SQLE: variants seen among roughly 807,000 people sequenced by gnomAD.
SQLE encodes the protein squalene monooxygenase.
Under a neutral mutation model 60.7 loss-of-function variants are expected in SQLE, and 29 were observed. The observed-to-expected ratio is 0.48, with a 90% CI of 0.36 to 0.65. SQLE has a LOEUF of 0.65. Among genes scored for constraint, SQLE ranks in the 30% least tolerant of loss-of-function variants. The pLI, the probability that SQLE is intolerant of heterozygous loss-of-function variation, is 0.00. For missense variants in SQLE, 605 were observed against 684.1 expected, an observed-to-expected ratio of 0.88 and a Z score of 1.29; for synonymous variants, 237 against 246.8, an observed-to-expected ratio of 0.96 and a Z score of 0.37.
intron 10 of SQLE, 53 bp downstream of exon 10, chr8:125,020,924 T>A: frequency 8.1e-7 from 1 of 1,238,740 alleles, no homozygotes; most frequent in Non-Finnish European, 1.2e-6. Flanking sequence ...CTTAGGACTG[T>A]TCAGTTGATG....
At chr8:125,006,868 C>CT (rs1814959267) in intron 3 of SQLE, among the ~76,000 whole-genome samples, 1 of 151,738 alleles carries the variant, frequency 6.6e-6, no homozygotes, top group African/African-American at 2.4e-5. Context: ...CCACGCCTGG[C>CT]AAATTTTTGT....
chr8:125,020,826 A>T lies in SQLE; in HGVS notation c.1487A>T (p.Lys496Ile), dbSNP rs1374661300. ...AGAAAAGCCTGTTTTCTTTATTTCAAACTTGGTGGCGAATGTGTTGCGGGT... is the reference window on the plus strand; with the variant it reads ...AGAAAAGCCTGTTTTCTTTATTTCATACTTGGTGGCGAATGTGTTGCGGGT... Reference protein sequence around the residue: ...QLRKACFLYFKLGGECVAGPV... With the variant: ...QLRKACFLYFILGGECVAGPV... The change falls in exon 10 of 11, where the codon AAA (lysine) becomes ATA (isoleucine). Residue 496 changes from lysine (K) to isoleucine (I), a missense_variant. Transcript: ENST00000265896. The T allele has an allele frequency of 6.2e-7, 1 of 1,613,456 alleles. No individual in the cohort carries two copies. Among genetic ancestry groups the T allele is most frequent in the Admixed American group, 1.7e-5 (1 of 59,988 alleles).
In SQLE at chr8:125,018,049, C is replaced by G; in HGVS notation, c.1205-10C>G. The G allele has an allele frequency of 1.2e-6, 2 of 1,610,818 alleles. No individual in the cohort carries two copies. Among genetic ancestry groups the G allele is most frequent in the South Asian group, 2.2e-5 (2 of 90,322 alleles). On this transcript the variant is annotated splice_polypyrimidine_tract_variant and intron_variant, in intron 7 of 10. Coordinates refer to ENST00000265896, the MANE Select transcript of SQLE (RefSeq NM_003129.4). ...CTCTAAAATAAAATCTTCATTACCTCTCTTCATAGGTGTTCTTCTTTTGGG... is the reference window on the plus strand; with the variant it reads ...CTCTAAAATAAAATCTTCATTACCTGTCTTCATAGGTGTTCTTCTTTTGGG...
At position 125,020,817 on chromosome 8, in the gene SQLE, T is replaced by C; in HGVS notation, c.1478T>C (p.Leu493Pro). 2 of 1,613,452 alleles carry C rather than the reference T, an allele frequency of 1.2e-6. No individual in the cohort carries two copies. Among genetic ancestry groups the C allele is most frequent in the South Asian group, 1.1e-5 (1 of 91,030 alleles). Residue 493 changes from leucine to proline, a missense_variant, in exon 10 of 11, where the codon CTT becomes CCT. By Grantham distance (98) the Leu-to-Pro change is moderately conservative (BLOSUM62 -3). Coordinates refer to ENST00000265896, the MANE Select transcript of SQLE (RefSeq NM_003129.4). The stretch of plus-strand genomic sequence containing the variant: ...CATCAACTAAGAAAAGCCTGTTTTC[T>C]TTATTTCAAACTTGGTGGCGAATGT... ...SLHQLRKACF[L>P]YFKLGGECVA...
intron 9 of SQLE, among the ~76,000 whole-genome samples, chr8:125,020,149 A>G (rs1158163547): frequency 1.3e-5 from 2 of 152,190 alleles, no homozygotes; most frequent in Non-Finnish European, 2.9e-5. Flanking sequence ...AAAAGTTACA[A>G]GATTGGAGGA....
chr8:125,002,137 C>G (rs1475960915), intron 1 of SQLE, among the ~76,000 whole-genome samples: 2 of 151,978 alleles, frequency 1.3e-5, no homozygotes, highest in Non-Finnish European at 2.9e-5. Flanking sequence ...CTTAGAGTAT[C>G]AGGATGGGGA....
chr8:125,012,599 T>G (rs556761748), intron 7 of SQLE, among the ~76,000 whole-genome samples: 2 of 152,376 alleles, frequency 1.3e-5, no homozygotes, highest in Admixed American at 1.3e-4. Context: ...TCATTTGTTT[T>G]TATGGCCAAA....
At chr8:125,006,816 T>C (rs774300426) in intron 3 of SQLE, among the ~76,000 whole-genome samples, 95 of 151,702 alleles carry the variant, frequency 6.3e-4, no homozygotes, top group Non-Finnish European at 1.1e-3. Context: ...GCAATTCTCC[T>C]GCCTCAGCCT....
chr8:124,999,764 G>A, intron 1 of SQLE, 70 bp downstream of exon 1: 2 of 1,478,148 alleles, frequency 1.4e-6, no homozygotes, highest in Non-Finnish European at 1.8e-6. Flanking sequence ...TCAAATATAA[G>A]TTTTATTTGA....
At chr8:125,008,867 A>G in intron 4 of SQLE, 104 bp from the exon 5 acceptor site, 1 of 741,362 alleles carries the variant, frequency 1.3e-6, no homozygotes, top group East Asian at 2.8e-5. Context: ...CTATAATGCT[A>G]TCTGATAATA....
In SQLE at chr8:124,998,575, T is replaced by A; in HGVS notation, c.-829T>A. The A allele has an allele frequency of 1.5e-6, 1 of 685,656 alleles. No individual in the cohort carries two copies. Among genetic ancestry groups the A allele is most frequent in the Non-Finnish European group, 2.6e-6 (1 of 377,494 alleles). 42.5% of individuals were successfully genotyped at this position (685,656 alleles called of 1,614,324 possible). On this transcript the variant is annotated 5_prime_UTR_variant, in exon 1 of 11. Coordinates refer to ENST00000265896, the MANE Select transcript of SQLE (RefSeq NM_003129.4). The stretch of plus-strand genomic sequence containing the variant: ...TCTGGTTACTGGGGCCGCGCCGCGC[T>A]GGCGAGAGCCGCCGCCCGCGAGGGA...
At position 125,006,359 on chromosome 8, in the gene SQLE, G is replaced by A. The variant is rs191027515; in HGVS notation, c.725+654G>A. Among the ~76,000 whole-genome samples the A allele has an allele frequency of 4.2e-3, 637 of 152,218 alleles. 7 individuals are homozygous for A. The highest frequency in any genetic ancestry group is 0.014 in the African/African-American group (562 of 41,538). On this transcript the variant is annotated intron_variant, in intron 3 of 10. Coordinates refer to ENST00000265896, the MANE Select transcript of SQLE (RefSeq NM_003129.4). ...AAATCGGCCAGGTGCGGTGGCTCAT[G>A]CCTGTAATCCCAGCACTTTGGGAGG... is the stretch of plus-strand genomic sequence containing the variant.
Position 124,998,908 on chromosome 8 carries a change from C to G in SQLE, c.-496C>G, listed in dbSNP as rs1394375645. On this transcript the variant is annotated 5_prime_UTR_variant, in exon 1 of 11. Coordinates refer to ENST00000265896, the MANE Select transcript of SQLE (RefSeq NM_003129.4). Reference sequence around the variant, plus strand: ...CCGCAGCCCCCGTGCCTTCCGGCCGCTGCTCGCCGTCGCCAGAGGCTAGGC... The same window carrying G: ...CCGCAGCCCCCGTGCCTTCCGGCCGGTGCTCGCCGTCGCCAGAGGCTAGGC... The G allele has an allele frequency of 2.7e-6, 1 of 367,476 alleles. No individual in the cohort carries two copies. The highest frequency in any genetic ancestry group is 4.9e-6 in the Non-Finnish European group (1 of 205,924). The allele number at this position is 367,476 out of a possible 1,614,324, so 22.8% of individuals were successfully genotyped here.
At position 124,999,259 on chromosome 8, in the gene SQLE, C is replaced by A; in HGVS notation, c.-145C>A. On this transcript the variant is annotated 5_prime_UTR_variant, in exon 1 of 11. Transcript: ENST00000265896. Reference sequence around the variant, plus strand: ...TATGATTTTTAAAAACTGGTCTGATCGGACTTCTCGTCCTGGGACACTGTT... The same window carrying A: ...TATGATTTTTAAAAACTGGTCTGATAGGACTTCTCGTCCTGGGACACTGTT... The A allele has an allele frequency of 1.4e-6, 1 of 707,646 alleles. No homozygotes were observed. Among genetic ancestry groups the A allele is most frequent in the Non-Finnish European group, 2.0e-6 (1 of 496,920 alleles). The allele number at this position is 707,646 out of a possible 1,614,324, so 43.8% of individuals were successfully genotyped here. A position where few individuals can be genotyped will look rare whatever the true frequency, so the allele number is the denominator to read the frequency against.
chr8:125,011,394 TTC>T, intron 6 of SQLE, 141 bp from the exon 7 acceptor site: 1 of 549,794 alleles, frequency 1.8e-6, no homozygotes, highest in Middle Eastern at 2.9e-4. Flanking sequence ...AAATAATTAG[TTC>T]TTGATTTATC....
chr8:125,012,728 G>A (rs956499923), intron 7 of SQLE, among the ~76,000 whole-genome samples: 7 of 152,196 alleles, frequency 4.6e-5, no homozygotes, highest in Admixed American at 6.5e-5. Flanking sequence ...ATCTGTGTGC[G>A]AGTTTTTGTG....
At position 125,003,158 on chromosome 8, in the gene SQLE, C is replaced by CTTTTT; in HGVS notation, c.292-11_292-7dup. On this transcript the variant is annotated splice_polypyrimidine_tract_variant and intron_variant, in intron 1 of 10. Transcript: ENST00000265896. ...TAACAAATTTGGATACCTAGTTTAC[C>CTTTTT]TTTTTTTTTTTAAACAGCGCAGAAA... 1.5e-6 allele frequency: 2 copies of CTTTTT among 1,343,476 alleles called. No individual in the cohort carries two copies. The highest frequency in any genetic ancestry group is 1.5e-5 in the African/African-American group (1 of 68,636). The allele number at this position is 1,343,476 out of a possible 1,614,324, so 83.2% of individuals were successfully genotyped here.
At position 125,018,672 on chromosome 8, in the gene SQLE, C is replaced by T; in HGVS notation, c.1389C>T (p.Ser463=). ...ACTGGGCAAGAAAAACATCTCATTC[C>T]TTTGTCGTGAATATCCTTGCTCAGG... ...SFYWARKTSH[S]FVVNILAQAL... Residue 463 remains serine (S), a synonymous_variant, in exon 9 of 11, where the codon TCC becomes TCT. Coordinates refer to ENST00000265896, the MANE Select transcript of SQLE (RefSeq NM_003129.4). The T allele has an allele frequency of 6.2e-7, 1 of 1,606,602 alleles. No individual in the cohort carries two copies. The highest frequency in any genetic ancestry group is 8.5e-7 in the Non-Finnish European group (1 of 1,178,042).
intron 7 of SQLE, among the ~76,000 whole-genome samples, chr8:125,012,097 T>G (rs1815047764): frequency 6.6e-6 from 1 of 151,816 alleles, no homozygotes; most frequent in African/African-American, 2.4e-5. Context: ...TCTAGGTAGA[T>G]GGAATAACAT....
Sources: allele counts gnomAD v4.1 joint callset (sites outside exome capture counted in the v4.1 genomes callset), GRCh38; gene constraint gnomAD v4.1.1; transcripts MANE v1.5; gene names NCBI Gene and HGNC (gene_info 2026-07-23, HGNC 2026-07-21).